MTDH: variants seen among roughly 807,000 people sequenced by gnomAD.
MTDH encodes metadherin.
Under a neutral mutation model 72.7 loss-of-function variants are expected in MTDH, and 34 were observed. The ratio of observed to expected loss-of-function variants is 0.47; its 90% CI spans 0.36 to 0.62. MTDH has a LOEUF of 0.62. Among genes scored for constraint, MTDH ranks in the 20% least tolerant of loss-of-function variants. The pLI, the probability that MTDH is intolerant of heterozygous loss-of-function variation, is 0.00. For synonymous variants in MTDH, 266 were observed against 268.9 expected (o/e 0.99, Z 0.10); for missense variants, 677 against 699.4 (o/e 0.97, Z 0.36).
intron 2 of MTDH, among the ~76,000 whole-genome samples, chr8:97,681,495 T>C (rs77203327): frequency 2.4e-4 from 35 of 147,914 alleles, no homozygotes; most frequent in African/African-American, 4.8e-4. Flanking sequence ...TTTTTTCTTT[T>C]TTTTTTTTTT....
intron 1 of MTDH, among the ~76,000 whole-genome samples, chr8:97,655,981 G>A (rs1364800913): frequency 6.6e-6 from 1 of 152,244 alleles, no homozygotes; most frequent in South Asian, 2.1e-4. Flanking sequence ...GATTAAATAT[G>A]GAAGTTAAGC....
chr8:97,672,124 C>T (rs1335134129), intron 2 of MTDH, among the ~76,000 whole-genome samples: 4 of 152,134 alleles, frequency 2.6e-5, no homozygotes, highest in Non-Finnish European at 5.9e-5. Context: ...GGTTGGCAAA[C>T]CATGGCCAAA....
At chr8:97,684,189 A>G (rs1813266336) in intron 2 of MTDH, among the ~76,000 whole-genome samples, 1 of 151,096 alleles carries the variant, frequency 6.6e-6, no homozygotes, top group African/African-American at 2.4e-5. Context: ...TGTTAAGTGT[A>G]AAATACATGC....
intron 2 of MTDH, among the ~76,000 whole-genome samples, chr8:97,668,028 C>G (rs1397756025): frequency 6.6e-6 from 1 of 152,082 alleles, no homozygotes; most frequent in Non-Finnish European, 1.5e-5. Flanking sequence ...TGGCTCACGC[C>G]TGTAATCCCA....
chr8:97,651,249 T>G (rs1811761832), intron 1 of MTDH, among the ~76,000 whole-genome samples: 1 of 152,218 alleles, frequency 6.6e-6, no homozygotes, highest in Non-Finnish European at 1.5e-5. Flanking sequence ...GACATTTAAT[T>G]TAATTGATTC....
intron 2 of MTDH, among the ~76,000 whole-genome samples, chr8:97,662,478 A>C (rs1462452411): frequency 6.6e-6 from 1 of 150,888 alleles, no homozygotes; most frequent in African/African-American, 2.4e-5. Context: ...AGCTTCTTGG[A>C]ATAGTGGTAT....
chr8:97,662,304 T>C (rs1352599159), intron 2 of MTDH, among the ~76,000 whole-genome samples: 1 of 150,962 alleles, frequency 6.6e-6, no homozygotes, highest in Non-Finnish European at 1.5e-5. Flanking sequence ...CCCAAAGTGC[T>C]GGGATTACAG....
intron 2 of MTDH, among the ~76,000 whole-genome samples, chr8:97,667,995 G>A (rs1812458438): frequency 6.6e-6 from 1 of 151,784 alleles, no homozygotes; most frequent in African/African-American, 2.4e-5. Flanking sequence ...TTAACATTTT[G>A]GAAGATCTAC....
At chr8:97,694,414 C>G (rs983588901) in intron 6 of MTDH, among the ~76,000 whole-genome samples, 10 of 152,086 alleles carry the variant, frequency 6.6e-5, no homozygotes, top group Admixed American at 1.3e-4. Context: ...TCAGGCTGGT[C>G]TCGAACTCCC....
intron 2 of MTDH, among the ~76,000 whole-genome samples, chr8:97,665,092 A>T (rs1812325411): frequency 6.6e-6 from 1 of 152,024 alleles, no homozygotes; most frequent in African/African-American, 2.4e-5. Flanking sequence ...TACATCTTTG[A>T]TCTTATGCAC....
At chr8:97,686,594 A>G (rs1218883009) in intron 2 of MTDH, 74 bp from the exon 3 acceptor site, 5 of 832,606 alleles carry the variant, frequency 6.0e-6, no homozygotes, top group Non-Finnish European at 8.8e-6. Flanking sequence ...CATACATTTC[A>G]TTATGTATTT....
In MTDH at chr8:97,724,810, T is replaced by TA. The variant is rs1418579945; in HGVS notation, c.*145dup. 2.2e-5 allele frequency: 12 copies of TA among 544,942 alleles called. No individual in the cohort carries two copies. The South Asian group carries it at 3.8e-4, about 17-fold the overall frequency. The allele number at this position is 544,942 out of a possible 1,614,324, so 33.8% of individuals were successfully genotyped here. A position where few individuals can be genotyped will look rare whatever the true frequency, so the allele number is the denominator to read the frequency against. ...TAAAACAAAACTGCGGACACCACCA[T>TA]AAAAATGGAATCAAAAGAAAGTTAA... is the stretch of plus-strand genomic sequence containing the variant. On this transcript the variant is annotated 3_prime_UTR_variant, in exon 12 of 12. Transcript: ENST00000336273.
chr8:97,668,359 T>G (rs1335347526), intron 2 of MTDH, among the ~76,000 whole-genome samples: 1 of 152,140 alleles, frequency 6.6e-6, no homozygotes, highest in East Asian at 1.9e-4. Context: ...GGACCAGTGC[T>G]TGCATGTTAC....
chr8:97,716,722 T>G (rs1814888113), intron 9 of MTDH, among the ~76,000 whole-genome samples: 1 of 152,134 alleles, frequency 6.6e-6, no homozygotes, highest in Non-Finnish European at 1.5e-5. Flanking sequence ...GTTTGTTTGT[T>G]TTTTGAGACA....
chr8:97,709,193 CA>C (rs56931322), intron 8 of MTDH, among the ~76,000 whole-genome samples: 9,086 of 74,944 alleles, frequency 0.12, 804 homozygotes, highest in African/African-American at 0.32. Flanking sequence ...GACTCCATCT[CA>C]AAAAAAAAAA....
rs1815071792 is a variant in MTDH, at chr8:97,720,500, CAGG to C, written c.1521+1315_1521+1317del. Among the ~76,000 whole-genome samples, 5 of 151,830 alleles carry C rather than the reference CAGG, an allele frequency of 3.3e-5. No homozygotes were observed. The South Asian group carries it at 1.0e-3, about 32-fold the overall frequency. On this transcript the variant is annotated intron_variant, in intron 10 of 11. Coordinates refer to ENST00000336273, the MANE Select transcript of MTDH (RefSeq NM_178812.4). ...ACTGAGTGGGAAGATCACTTGAGCC[CAGG>C]AGGTCGAGGCTGCAGTGAGCTGTAA...
chr8:97,645,216 T>A (rs1811520333), intron 1 of MTDH, among the ~76,000 whole-genome samples: 2 of 152,168 alleles, frequency 1.3e-5, no homozygotes, highest in South Asian at 4.1e-4. Context: ...CCTTGAGGCC[T>A]GCAGAGTAGG....
intron 9 of MTDH, among the ~76,000 whole-genome samples, chr8:97,717,024 C>T (rs1040988488): frequency 3.3e-5 from 5 of 152,154 alleles, no homozygotes; most frequent in Admixed American, 1.3e-4. Context: ...GGGTCTTTCA[C>T]TGTTGAGTTC....
intron 2 of MTDH, among the ~76,000 whole-genome samples, chr8:97,677,561 T>A (rs1342068947): frequency 6.6e-6 from 1 of 152,056 alleles, no homozygotes; most frequent in African/African-American, 2.4e-5. Flanking sequence ...GTAAGAACTC[T>A]ATCAGCTACA....
Sources: gnomAD v4.1 joint callset for allele counts (sites outside exome capture counted in the v4.1 genomes callset) on GRCh38, gnomAD v4.1.1 for gene constraint, MANE v1.5 for transcripts, NCBI Gene and HGNC (gene_info 2026-07-23, HGNC 2026-07-21) for gene names.